The following KCNK13 variants were observed in gnomAD, a reference collection of about 807,000 sequenced individuals.
KCNK13 encodes the protein potassium channel subfamily K member 13.
Under a neutral mutation model 23.4 loss-of-function variants are expected in KCNK13, and 12 were observed. The ratio of observed to expected loss-of-function variants is 0.51; its 90% CI spans 0.33 to 0.83. KCNK13 has a LOEUF of 0.83. Ranked by LOEUF, KCNK13 falls within the 40% of genes least tolerant of loss-of-function variation. The pLI, the probability that KCNK13 is intolerant of heterozygous loss-of-function variation, is 0.02. For missense variants in KCNK13, 463 were observed against 556.3 expected (o/e 0.83, Z 1.69); for synonymous variants, 231 against 229.5 (o/e 1.01, Z -0.06).
chr14:90,108,743 A>G (rs1889576418), intron 1 of KCNK13, among the ~76,000 whole-genome samples: 1 of 152,228 alleles, frequency 6.6e-6, no homozygotes, highest in South Asian at 2.1e-4. Flanking sequence ...ATGGCCATCC[A>G]GATAATCCTG....
chr14:90,175,496 G>A (rs1197378493), intron 1 of KCNK13, among the ~76,000 whole-genome samples: 1 of 152,142 alleles, frequency 6.6e-6, no homozygotes, highest in African/African-American at 2.4e-5. Context: ...TGATTTACAA[G>A]TTGAACCTCC....
intron 1 of KCNK13, among the ~76,000 whole-genome samples, chr14:90,128,242 TC>T (rs1231460747): frequency 6.6e-6 from 1 of 152,200 alleles, no homozygotes; most frequent in Non-Finnish European, 1.5e-5. Flanking sequence ...ATTCTTTCAT[TC>T]CGGGAAAGAT....
chr14:90,181,620 TG>T (rs1160142579), intron 1 of KCNK13, among the ~76,000 whole-genome samples: 2 of 152,196 alleles, frequency 1.3e-5, no homozygotes, highest in African/African-American at 2.4e-5. Flanking sequence ...ACTTAACAGG[TG>T]CTCAGTAAAT....
At chr14:90,069,586 A>G (rs1889050439) in intron 1 of KCNK13, among the ~76,000 whole-genome samples, 1 of 151,964 alleles carries the variant, frequency 6.6e-6, no homozygotes, top group Non-Finnish European at 1.5e-5. Context: ...AAATCAAAGT[A>G]TATCAAGTCC....
intron 1 of KCNK13, among the ~76,000 whole-genome samples, chr14:90,097,172 C>G (rs1889421449): frequency 6.6e-6 from 1 of 152,142 alleles, no homozygotes. Context: ...TTAGTTCATC[C>G]TGTGTTGCTA....
intron 1 of KCNK13, among the ~76,000 whole-genome samples, chr14:90,118,994 T>C (rs1889707019): frequency 6.6e-6 from 1 of 151,922 alleles, no homozygotes; most frequent in Non-Finnish European, 1.5e-5. Flanking sequence ...AAAATAACAA[T>C]CAGAAACTGC....
At chr14:90,108,848 G>A (rs1338729303) in intron 1 of KCNK13, among the ~76,000 whole-genome samples, 3 of 152,156 alleles carry the variant, frequency 2.0e-5, no homozygotes, top group African/African-American at 7.2e-5. Flanking sequence ...CCCTAAGAGT[G>A]TATCTCTGAA....
chr14:90,145,764 G>A (rs766102960), intron 1 of KCNK13, among the ~76,000 whole-genome samples: 4 of 152,104 alleles, frequency 2.6e-5, no homozygotes, highest in Non-Finnish European at 4.4e-5. Context: ...CACTTTGGGA[G>A]GCCAAAGCTG....
At chr14:90,134,752 C>T (rs1026858850) in intron 1 of KCNK13, among the ~76,000 whole-genome samples, 1 of 152,180 alleles carries the variant, frequency 6.6e-6, no homozygotes, top group African/African-American at 2.4e-5. Flanking sequence ...TGTGTGATCC[C>T]TTTTCTGAAC....
chr14:90,097,532 A>G (rs1889426460), intron 1 of KCNK13, among the ~76,000 whole-genome samples: 2 of 152,062 alleles, frequency 1.3e-5, no homozygotes, highest in Non-Finnish European at 2.9e-5. Flanking sequence ...CCACCACCAC[A>G]TTGGGGATCA....
chr14:90,157,466 G>T (rs1890206482), intron 1 of KCNK13, among the ~76,000 whole-genome samples: 1 of 152,142 alleles, frequency 6.6e-6, no homozygotes, highest in Admixed American at 6.5e-5. Context: ...TGCAGTCATA[G>T]CTCACTGCAG....
chr14:90,111,497 T>G, intron 1 of KCNK13, among the ~76,000 whole-genome samples: 1 of 152,202 alleles, frequency 6.6e-6, no homozygotes, highest in East Asian at 1.9e-4. Flanking sequence ...ATTTCCCAGC[T>G]GTGCCCTTTT....
chr14:90,174,640 G>T (rs1890402922), intron 1 of KCNK13, among the ~76,000 whole-genome samples: 1 of 152,116 alleles, frequency 6.6e-6, no homozygotes, highest in African/African-American at 2.4e-5. Flanking sequence ...TAGTGCTTGA[G>T]CCCAGAAGTT....
At chr14:90,076,329 C>T (rs368642583) in intron 1 of KCNK13, among the ~76,000 whole-genome samples, 1 of 152,236 alleles carries the variant, frequency 6.6e-6, no homozygotes, top group Non-Finnish European at 1.5e-5. Flanking sequence ...AGTCCCAGAA[C>T]CTTCTGTCTT....
At chr14:90,160,605 G>A (rs951822973) in intron 1 of KCNK13, among the ~76,000 whole-genome samples, 1 of 152,012 alleles carries the variant, frequency 6.6e-6, no homozygotes, top group African/African-American at 2.4e-5. Flanking sequence ...CACTTTGAGA[G>A]GCCAAGGCGG....
chr14:90,078,040 C>T (rs1031298153), intron 1 of KCNK13, among the ~76,000 whole-genome samples: 8 of 152,276 alleles, frequency 5.3e-5, no homozygotes, highest in African/African-American at 1.4e-4. Flanking sequence ...AATAGAGACA[C>T]GCTATACTAT....
chr14:90,071,863 A>C (rs1447112991), intron 1 of KCNK13, among the ~76,000 whole-genome samples: 1 of 151,740 alleles, frequency 6.6e-6, no homozygotes, highest in East Asian at 1.9e-4. Context: ...GCACCACTGC[A>C]CTCCAGCCTG....
chr14:90,073,977 G>A (rs549343578), intron 1 of KCNK13, among the ~76,000 whole-genome samples: 1 of 151,740 alleles, frequency 6.6e-6, no homozygotes, highest in Admixed American at 6.6e-5. Flanking sequence ...GCCCGACCAA[G>A]ATTTTTTTGT....
At chr14:90,134,842 T>C (rs1432402647) in intron 1 of KCNK13, among the ~76,000 whole-genome samples, 2 of 152,220 alleles carry the variant, frequency 1.3e-5, no homozygotes, top group Non-Finnish European at 2.9e-5. Flanking sequence ...AAATATGAAA[T>C]GTTACTATAA....
Sources: allele counts gnomAD v4.1 joint callset (sites outside exome capture counted in the v4.1 genomes callset), GRCh38; gene constraint gnomAD v4.1.1; transcripts MANE v1.5; gene names NCBI Gene and HGNC (gene_info 2026-07-23, HGNC 2026-07-21).